The following GUCY1B1 variants were observed in gnomAD, a reference collection of about 807,000 sequenced individuals.
GUCY1B1 encodes guanylate cyclase soluble subunit beta-1.
In GUCY1B1, 43 loss-of-function variants were observed where a neutral mutation model predicts 71.0. The observed-to-expected ratio is 0.61, with a 90% confidence interval of 0.47 to 0.78. The LOEUF (loss-of-function observed/expected upper bound fraction) is 0.78. GUCY1B1 is among the 30% of genes least tolerant of loss of function. GUCY1B1 has a pLI of 0.00. For missense variants in GUCY1B1, 535 were observed against 754.1 expected (o/e 0.71, Z 3.40); for synonymous variants, 266 against 259.7 (o/e 1.02, Z -0.23).
chr4:155,791,455 G>A (rs1672321777), intron 5 of GUCY1B1, among the ~76,000 whole-genome samples: 1 of 149,816 alleles, frequency 6.7e-6, no homozygotes, highest in African/African-American at 2.4e-5. Flanking sequence ...TATCGCCTGG[G>A]CGCAGTGGCT....
At chr4:155,762,230 C>T (rs1737044592) in intron 2 of GUCY1B1, among the ~76,000 whole-genome samples, 1 of 152,114 alleles carries the variant, frequency 6.6e-6, no homozygotes, top group South Asian at 2.1e-4. Context: ...TCTGGTTCCT[C>T]CTCCCCTCCC....
intron 5 of GUCY1B1, among the ~76,000 whole-genome samples, chr4:155,792,529 G>A (rs1258940422): frequency 6.6e-6 from 1 of 151,676 alleles, no homozygotes. Context: ...CAGTGAGGTA[G>A]TAACATCCCA....
intron 4 of GUCY1B1, among the ~76,000 whole-genome samples, chr4:155,780,225 C>A (rs572320267): frequency 7.2e-5 from 11 of 152,192 alleles, no homozygotes; most frequent in Non-Finnish European, 1.0e-4. Context: ...CCCTCTCCCC[C>A]AGTCCAGCCA....
intron 2 of GUCY1B1, 55 bp downstream of exon 2, chr4:155,759,915 C>T (rs1421862079): frequency 6.8e-6 from 9 of 1,320,468 alleles, no homozygotes; most frequent in East Asian, 4.7e-5. Flanking sequence ...TGTGGGAGGC[C>T]CCCCGCGCCT....
Position 155,759,807 on chromosome 4 carries a change from C to T in GUCY1B1, c.24C>T (p.Ala8=). 4.3e-6 allele frequency: 7 copies of T among 1,613,006 alleles called. No homozygotes were observed. The highest frequency in any genetic ancestry group is 1.1e-5 in the South Asian group (1 of 91,026). ...CGCAGTACGGATTTGTGAATCACGC[C>T]CTGGAGTTGCTGGTGATCCGCAATT... The part of the protein sequence containing the change: MYGFVNH[A]LELLVIRNYG... The change falls in exon 2 of 14, where the codon GCC becomes GCT. Residue 8 remains alanine (A), a synonymous_variant. Coordinates refer to ENST00000264424, the MANE Select transcript of GUCY1B1 (RefSeq NM_000857.5).
intron 9 of GUCY1B1, among the ~76,000 whole-genome samples, chr4:155,801,643 A>G (rs1019241701): frequency 6.6e-6 from 1 of 152,184 alleles, no homozygotes; most frequent in African/African-American, 2.4e-5. Flanking sequence ...GTTCCTCTTC[A>G]GTCTTCCAAT....
intron 9 of GUCY1B1, among the ~76,000 whole-genome samples, chr4:155,801,924 G>T (rs1258561713): frequency 3.3e-5 from 5 of 152,122 alleles, no homozygotes; most frequent in Admixed American, 3.3e-4. Context: ...ATTCTAAGAG[G>T]CAAACCTGTT....
chr4:155,798,407 C>T (rs1004674806), intron 8 of GUCY1B1, among the ~76,000 whole-genome samples: 2 of 152,116 alleles, frequency 1.3e-5, no homozygotes, highest in Non-Finnish European at 2.9e-5. Context: ...TGTTTTTTCT[C>T]TGCTCATGGG....
chr4:155,801,710 C>T (rs1358195900), intron 9 of GUCY1B1, among the ~76,000 whole-genome samples: 1 of 152,178 alleles, frequency 6.6e-6, no homozygotes, highest in Non-Finnish European at 1.5e-5. Context: ...CAGCTGTCAT[C>T]CTCCTCCTGT....
intron 2 of GUCY1B1, among the ~76,000 whole-genome samples, chr4:155,771,888 C>A (rs919467279): frequency 1.3e-5 from 2 of 152,106 alleles, no homozygotes; most frequent in African/African-American, 4.8e-5. Context: ...ATCAAATATT[C>A]ACTCAAATGG....
chr4:155,775,959 A>G (rs887395212), intron 3 of GUCY1B1, among the ~76,000 whole-genome samples: 10 of 152,364 alleles, frequency 6.6e-5, no homozygotes, highest in Non-Finnish European at 1.3e-4. Flanking sequence ...AGGAAAGCAA[A>G]CACTATCTAT....
At chr4:155,796,598 TA>T (rs1205423733) in intron 8 of GUCY1B1, 88 bp downstream of exon 8, 1 of 855,296 alleles carries the variant, frequency 1.2e-6, no homozygotes, top group Non-Finnish European at 1.8e-6. Context: ...CCATTAAATT[TA>T]CATATTCTCT....
At chr4:155,773,146 T>C (rs1200843728) in intron 2 of GUCY1B1, among the ~76,000 whole-genome samples, 1 of 152,256 alleles carries the variant, frequency 6.6e-6, no homozygotes, top group African/African-American at 2.4e-5. Flanking sequence ...TTCCGATGAA[T>C]TGGATTGAGA....
At chr4:155,805,324 G>T (rs921039484) in intron 13 of GUCY1B1, 95 bp downstream of exon 13, 60 of 1,056,580 alleles carry the variant, frequency 5.7e-5, no homozygotes, top group Non-Finnish European at 7.3e-5. Context: ...CATTTGAAAA[G>T]AATTCTTGCT....
At chr4:155,759,683 A>T (rs1437115046) in intron 1 of GUCY1B1, 104 bp from the exon 2 acceptor site, 3 of 758,116 alleles carry the variant, frequency 4.0e-6, no homozygotes, top group Admixed American at 4.6e-5. Context: ...GGCGGGGTGA[A>T]AGGTTAAGCC....
chr4:155,793,890 C>T lies in GUCY1B1; in HGVS notation c.530C>T (p.Thr177Ile), dbSNP rs755410846. The T allele has an allele frequency of 6.4e-7, 1 of 1,556,290 alleles. No homozygotes were observed. Among genetic ancestry groups the T allele is most frequent in the East Asian group, 2.2e-5 (1 of 44,630 alleles). ...IQQRNEECDH[T>I]QFLIEEKESK... ...CAAAGAAATGAAGAATGTGATCATACTCAATTTTTAATTGAAGAAAAAGAG... is the reference window on the plus strand; with the variant it reads ...CAAAGAAATGAAGAATGTGATCATATTCAATTTTTAATTGAAGAAAAAGAG... Residue 177 changes from threonine to isoleucine, a missense_variant, in exon 6 of 14, where the codon ACT becomes ATT. Thr to Ile is a moderately conservative substitution (Grantham distance 89, BLOSUM62 -1). Coordinates refer to ENST00000264424, the MANE Select transcript of GUCY1B1 (RefSeq NM_000857.5).
intron 4 of GUCY1B1, among the ~76,000 whole-genome samples, chr4:155,785,675 T>C (rs910900944): frequency 1.3e-5 from 2 of 152,214 alleles, no homozygotes; most frequent in Non-Finnish European, 2.9e-5. Context: ...AAATAACTTT[T>C]AATCATTAAT....
intron 4 of GUCY1B1, among the ~76,000 whole-genome samples, chr4:155,779,803 G>T (rs1738290622): frequency 6.6e-6 from 1 of 152,044 alleles, no homozygotes; most frequent in African/African-American, 2.4e-5. Flanking sequence ...CACATATATT[G>T]ACATTTTTAT....
intron 4 of GUCY1B1, among the ~76,000 whole-genome samples, chr4:155,783,487 T>C (rs949198957): frequency 3.3e-5 from 5 of 152,242 alleles, no homozygotes; most frequent in Non-Finnish European, 5.9e-5. Flanking sequence ...TCTTTCATTA[T>C]TTGCTGGAGA....
Sources: allele counts gnomAD v4.1 joint callset (sites outside exome capture counted in the v4.1 genomes callset), GRCh38; gene constraint gnomAD v4.1.1; transcripts MANE v1.5; gene names NCBI Gene and HGNC (gene_info 2026-07-23, HGNC 2026-07-21).